The following MBNL1 variants were observed in gnomAD, a reference collection of about 807,000 sequenced individuals.
The protein encoded by MBNL1 is muscleblind like splicing regulator 1.
In MBNL1, 8 loss-of-function variants were observed where a neutral mutation model predicts 42.2. The observed-to-expected ratio is 0.19, with a 90% CI of 0.11 to 0.34. MBNL1 has a LOEUF of 0.34. Ranked by LOEUF, MBNL1 falls within the 10% of genes least tolerant of loss-of-function variation. MBNL1 has a pLI of 1.00. For synonymous variants in MBNL1, 169 were observed against 173.9 expected, an observed-to-expected ratio of 0.97 and a Z score of 0.22; for missense variants, 309 against 495.3, an observed-to-expected ratio of 0.62 and a Z score of 3.57.
intron 2 of MBNL1, among the ~76,000 whole-genome samples, chr3:152,337,155 A>G (rs892549568): frequency 2.6e-5 from 4 of 152,184 alleles, no homozygotes; most frequent in Non-Finnish European, 4.4e-5. Context: ...TAGCTGTTTA[A>G]TATTTAATAT....
At position 152,292,753 on chromosome 3, in the gene MBNL1, T is replaced by A. The variant is rs977310292; in HGVS notation, c.-789-6652T>A. 1.1e-4 allele frequency among the ~76,000 whole-genome samples: 16 copies of A among 152,208 alleles called. No homozygotes were observed. The South Asian group carries it at 2.3e-3, about 22-fold the overall frequency. ...ATGTATCTATTCTTTAAATCTTTTTTAAAAATTTATTTAATTAATACTTTT... is the reference window on the plus strand; with the variant it reads ...ATGTATCTATTCTTTAAATCTTTTTAAAAAATTTATTTAATTAATACTTTT... On this transcript the variant is annotated intron_variant, in intron 1 of 9. Transcript: ENST00000324210.
At chr3:152,401,955 C>A (rs2153556779) in intron 2 of MBNL1, among the ~76,000 whole-genome samples, 1 of 151,034 alleles carries the variant, frequency 6.6e-6, no homozygotes, top group East Asian at 1.9e-4. Context: ...TGGCGTGAAC[C>A]TGGGAGGCAG....
At chr3:152,383,189 A>G (rs2097258562) in intron 2 of MBNL1, among the ~76,000 whole-genome samples, 1 of 152,096 alleles carries the variant, frequency 6.6e-6, no homozygotes, top group Non-Finnish European at 1.5e-5. Flanking sequence ...TGCTTAGTGG[A>G]GCCTTATTTC....
At chr3:152,446,655 G>A in intron 5 of MBNL1, 1 of 1,500,098 alleles carries the variant, frequency 6.7e-7, no homozygotes, top group Non-Finnish European at 9.3e-7. Flanking sequence ...TAATGCGCTT[G>A]AACCCCACTG....
intron 4 of MBNL1, among the ~76,000 whole-genome samples, chr3:152,438,289 T>C (rs1378488506): frequency 6.6e-6 from 1 of 152,158 alleles, no homozygotes; most frequent in Non-Finnish European, 1.5e-5. Flanking sequence ...TCAATGACAA[T>C]AAAAGATCCA....
rs531583251 is a variant in MBNL1, at chr3:152,258,143, A to G, written n.333+13703A>G. On this transcript the variant is annotated intron_variant and non_coding_transcript_variant, in intron 2 of 2. Coordinates refer to the MBNL1 transcript ENST00000477171. ...TCTTAAAATTTGTAATTTGATTTGAATCCTCATATTTTGAAGAGACTTGAA... is the reference window on the plus strand; with the variant it reads ...TCTTAAAATTTGTAATTTGATTTGAGTCCTCATATTTTGAAGAGACTTGAA... Among the ~76,000 whole-genome samples, 5 of 152,328 alleles carry G rather than the reference A, an allele frequency of 3.3e-5. No individual in the cohort carries two copies. In the South Asian group the frequency reaches 1.0e-3, roughly 32 times the overall value.
At chr3:152,260,532 A>G (rs2149492549) in intron 2 of MBNL1, among the ~76,000 whole-genome samples, 1 of 152,328 alleles carries the variant, frequency 6.6e-6, no homozygotes, top group South Asian at 2.1e-4. Flanking sequence ...AATACACATA[A>G]TTACATGTAT....
intron 2 of MBNL1, among the ~76,000 whole-genome samples, chr3:152,260,933 G>A (rs1225015882): frequency 1.3e-5 from 2 of 152,182 alleles, no homozygotes; most frequent in Admixed American, 6.5e-5. Context: ...ATGGGCACCA[G>A]CCTACCCAAA....
At chr3:152,390,551 T>C (rs1424917243) in intron 2 of MBNL1, among the ~76,000 whole-genome samples, 1 of 151,568 alleles carries the variant, frequency 6.6e-6, no homozygotes, top group East Asian at 1.9e-4. Context: ...AGTAAATAAG[T>C]AAACCAGTAG....
intron 2 of MBNL1, among the ~76,000 whole-genome samples, chr3:152,407,485 C>T: frequency 6.6e-6 from 1 of 151,742 alleles, no homozygotes; most frequent in East Asian, 1.9e-4. Context: ...GCTGGTGTTA[C>T]CTGAAAGACC....
At chr3:152,459,883 T>TCC (rs1741789389) in intron 9 of MBNL1, among the ~76,000 whole-genome samples, 1 of 143,432 alleles carries the variant, frequency 7.0e-6, no homozygotes, top group Non-Finnish European at 1.5e-5. Flanking sequence ...TTTTTTTTTT[T>TCC]CATTCTTTGG....
At chr3:152,456,453 A>G in intron 8 of MBNL1, 92 bp downstream of exon 8, 2 of 1,043,252 alleles carry the variant, frequency 1.9e-6, no homozygotes, top group Non-Finnish European at 3.0e-6. Context: ...CATTGAGGTC[A>G]GTGGGAATCG....
intron 1 of MBNL1, among the ~76,000 whole-genome samples, chr3:152,280,332 T>C (rs769389400): frequency 6.6e-6 from 1 of 152,176 alleles, no homozygotes. Context: ...CTTTAGATAC[T>C]TTGTATATAT....
chr3:152,402,274 A>G (rs370540116), intron 2 of MBNL1, among the ~76,000 whole-genome samples: 3 of 152,290 alleles, frequency 2.0e-5, no homozygotes, highest in South Asian at 2.1e-4. Context: ...GTACCAGACC[A>G]TAATTGAGGC....
chr3:152,377,790 A>G (rs562644713), intron 2 of MBNL1, among the ~76,000 whole-genome samples: 1 of 152,222 alleles, frequency 6.6e-6, no homozygotes, highest in Non-Finnish European at 1.5e-5. Flanking sequence ...GTTTCATAAT[A>G]GGTTGAGCTA....
In MBNL1 at chr3:152,386,929, A is replaced by G. The variant is rs561818846; in HGVS notation, c.175-28012A>G. ...CTTACTCATAAATTTTATTTCTTGA[A>G]TCAATGTGGTGCAGAATGTTGAAGC... On this transcript the variant is annotated intron_variant, in intron 2 of 9. Transcript: ENST00000324210. 2.0e-4 allele frequency among the ~76,000 whole-genome samples: 30 copies of G among 152,262 alleles called. 1 individual carries two copies. Among genetic ancestry groups the G allele is most frequent in the African/African-American group, 6.5e-4 (27 of 41,562 alleles).
chr3:152,341,991 C>G (rs2093340896), intron 2 of MBNL1, among the ~76,000 whole-genome samples: 1 of 152,098 alleles, frequency 6.6e-6, no homozygotes, highest in Non-Finnish European at 1.5e-5. Context: ...TACCTTCAGT[C>G]CCATTACAAT....
At chr3:152,314,537 G>A (rs552245502) in intron 2 of MBNL1, among the ~76,000 whole-genome samples, 7 of 151,990 alleles carry the variant, frequency 4.6e-5, no homozygotes, top group Middle Eastern at 3.2e-3. Context: ...TACCACGCCC[G>A]GCTAATTTTG....
chr3:152,351,408 A>G (rs1360293998), intron 2 of MBNL1, among the ~76,000 whole-genome samples: 1 of 152,174 alleles, frequency 6.6e-6, no homozygotes, highest in Non-Finnish European at 1.5e-5. Context: ...TCTAAGCAAA[A>G]GTTAACTAAA....
Sources: gnomAD v4.1 joint callset for allele counts (sites outside exome capture counted in the v4.1 genomes callset) on GRCh38, gnomAD v4.1.1 for gene constraint, MANE v1.5 for transcripts, NCBI Gene and HGNC (gene_info 2026-07-23, HGNC 2026-07-21) for gene names.